AMPH: variants seen among roughly 807,000 people sequenced by gnomAD.
The protein encoded by AMPH is amphiphysin.
A neutral mutation model predicts 99.1 loss-of-function variants in AMPH; 49 were observed. That is an observed-to-expected ratio of 0.49 (90% CI 0.39 to 0.63). AMPH has a LOEUF of 0.63. AMPH is among the 20% of genes least tolerant of loss of function. AMPH has a pLI of 0.00. For synonymous variants in AMPH, 314 were observed against 317.3 expected (o/e 0.99, Z 0.11); for missense variants, 759 against 863.4 (o/e 0.88, Z 1.52).
At chr7:38,429,932 A>G (rs1489711793) in intron 13 of AMPH, 67 bp from the exon 14 acceptor site, 14 of 1,452,386 alleles carry the variant, frequency 9.6e-6, no homozygotes, top group Non-Finnish European at 1.3e-5. Flanking sequence ...ATAAAATCCT[A>G]TGCTGTCTAG....
intron 4 of AMPH, among the ~76,000 whole-genome samples, chr7:38,493,920 C>T (rs142009834): frequency 6.6e-5 from 10 of 152,278 alleles, no homozygotes; most frequent in African/African-American, 2.4e-4. Flanking sequence ...TCTTAAAACA[C>T]TGCTCTCTAC....
chr7:38,456,907 C>T (rs1787257261), intron 11 of AMPH, among the ~76,000 whole-genome samples: 1 of 152,220 alleles, frequency 6.6e-6, no homozygotes, highest in Admixed American at 6.5e-5. Flanking sequence ...ACCTGGCATC[C>T]TTGTCCTCAG....
At chr7:38,481,381 C>A (rs1788277290) in intron 5 of AMPH, among the ~76,000 whole-genome samples, 1 of 152,074 alleles carries the variant, frequency 6.6e-6, no homozygotes, top group African/African-American at 2.4e-5. Context: ...TCATTGTGCA[C>A]TGAACCTCTA....
At chr7:38,436,001 A>G (rs112257529) in intron 12 of AMPH, among the ~76,000 whole-genome samples, 3 of 152,336 alleles carry the variant, frequency 2.0e-5, no homozygotes, top group African/African-American at 4.8e-5. Flanking sequence ...TCTGAGTGCA[A>G]CGTGGGCACT....
chr7:38,561,663 C>T (rs750754906), intron 1 of AMPH, among the ~76,000 whole-genome samples: 7 of 152,150 alleles, frequency 4.6e-5, no homozygotes, highest in African/African-American at 9.7e-5. Context: ...TGTGTCCCAG[C>T]GAAATTCATA....
intron 1 of AMPH, among the ~76,000 whole-genome samples, chr7:38,582,873 C>T (rs970843852): frequency 2.0e-5 from 3 of 152,106 alleles, no homozygotes; most frequent in Admixed American, 6.5e-5. Flanking sequence ...TATTCAGGGC[C>T]GGATGTCAAA....
chr7:38,455,202 C>T (rs1375478861), intron 11 of AMPH, among the ~76,000 whole-genome samples: 1 of 152,030 alleles, frequency 6.6e-6, no homozygotes, highest in African/African-American at 2.4e-5. Context: ...TTCCGAGTAG[C>T]TGGGATTACA....
chr7:38,620,332 A>G (rs1794007140), intron 1 of AMPH, among the ~76,000 whole-genome samples: 2 of 93,254 alleles, frequency 2.1e-5, no homozygotes, highest in African/African-American at 9.1e-5. Context: ...TTGGAGATAT[A>G]TATATGTGTG....
intron 2 of AMPH, among the ~76,000 whole-genome samples, chr7:38,518,495 T>C (rs558402442): frequency 1.5e-4 from 23 of 152,172 alleles, no homozygotes; most frequent in African/African-American, 5.5e-4. Context: ...GGATATAGAG[T>C]CAAGGGTGAT....
intron 17 of AMPH, among the ~76,000 whole-genome samples, chr7:38,402,690 C>T (rs749119499): frequency 6.6e-6 from 1 of 152,142 alleles, no homozygotes; most frequent in Non-Finnish European, 1.5e-5. Flanking sequence ...ATACTCATGG[C>T]GGGGTAGATG....
chr7:38,515,734 A>G (rs1008596114), intron 2 of AMPH, among the ~76,000 whole-genome samples: 9 of 152,250 alleles, frequency 5.9e-5, no homozygotes, highest in African/African-American at 2.2e-4. Flanking sequence ...AGAAGAAGAC[A>G]GAAAGATGAG....
chr7:38,520,416 T>C (rs954738971), intron 2 of AMPH, among the ~76,000 whole-genome samples: 1 of 152,178 alleles, frequency 6.6e-6, no homozygotes, highest in African/African-American at 2.4e-5. Context: ...GCACATAATA[T>C]GCAAAGCAAA....
At chr7:38,538,751 GAAA>G (rs1790703114) in intron 1 of AMPH, among the ~76,000 whole-genome samples, 1 of 152,190 alleles carries the variant, frequency 6.6e-6, no homozygotes, top group Non-Finnish European at 1.5e-5. Flanking sequence ...CTTATGGGAT[GAAA>G]AAGATGAAGG....
intron 20 of AMPH, among the ~76,000 whole-genome samples, chr7:38,387,644 C>T (rs1480691250): frequency 1.3e-5 from 2 of 151,472 alleles, no homozygotes; most frequent in Non-Finnish European, 2.9e-5. Context: ...TCAAGAAGTC[C>T]AACTTAAGTA....
chr7:38,490,157 A>G (rs1788667632), intron 5 of AMPH, among the ~76,000 whole-genome samples: 1 of 152,084 alleles, frequency 6.6e-6, no homozygotes, highest in Admixed American at 6.5e-5. Flanking sequence ...GTCTTACAGA[A>G]TTTTTAACAA....
At chr7:38,537,141 T>C (rs1015100398) in intron 1 of AMPH, among the ~76,000 whole-genome samples, 1 of 152,116 alleles carries the variant, frequency 6.6e-6, no homozygotes, top group Non-Finnish European at 1.5e-5. Flanking sequence ...GTGGATGTAT[T>C]AGTAGCTGGT....
intron 9 of AMPH, among the ~76,000 whole-genome samples, chr7:38,463,921 C>G (rs756514935): frequency 2.8e-4 from 42 of 152,160 alleles, no homozygotes; most frequent in Non-Finnish European, 4.7e-4. Flanking sequence ...AATAAAAGAG[C>G]ATGTACACAG....
At chr7:38,409,800 G>T (rs1028341159) in intron 17 of AMPH, among the ~76,000 whole-genome samples, 1 of 152,172 alleles carries the variant, frequency 6.6e-6, no homozygotes, top group Non-Finnish European at 1.5e-5. Context: ...CTTCTACAGA[G>T]ATCCCAAAGT....
At chr7:38,506,806 T>C (rs1268667377) in intron 2 of AMPH, among the ~76,000 whole-genome samples, 2 of 152,150 alleles carry the variant, frequency 1.3e-5, no homozygotes, top group Non-Finnish European at 2.9e-5. Flanking sequence ...AAAAATAGCA[T>C]GGGGATGAAA....
Sources: allele counts gnomAD v4.1 joint callset (sites outside exome capture counted in the v4.1 genomes callset), GRCh38; gene constraint gnomAD v4.1.1; transcripts MANE v1.5; gene names NCBI Gene and HGNC (gene_info 2026-07-23, HGNC 2026-07-21).